The following ATXN7 variants were observed in gnomAD, a reference collection of about 807,000 sequenced individuals.
The protein encoded by ATXN7 is ataxin 7.
A neutral mutation model predicts 70.5 loss-of-function variants in ATXN7; 12 were observed. The ratio of observed to expected loss-of-function variants is 0.17; its 90% CI spans 0.11 to 0.28. ATXN7 has a LOEUF of 0.28. Among genes scored for constraint, ATXN7 ranks in the 10% least tolerant of loss-of-function variants. The pLI is 1.00. For missense variants in ATXN7, 1,256 were observed against 1,131.7 expected, an observed-to-expected ratio of 1.11 and a Z score of -1.58; for synonymous variants, 498 against 448.7, an observed-to-expected ratio of 1.11 and a Z score of -1.39.
intron 8 of ATXN7, 130 bp from the exon 9 acceptor site, chr3:63,987,929 A>C (rs182519316): frequency 2.2e-4 from 250 of 1,151,354 alleles, no homozygotes; most frequent in Middle Eastern, 1.7e-3. Context: ...TAGCTTATCA[A>C]ATGCTGAGTA....
intron 4 of ATXN7, among the ~76,000 whole-genome samples, chr3:63,920,186 A>G (rs1446356173): frequency 1.3e-5 from 2 of 152,130 alleles, no homozygotes; most frequent in African/African-American, 2.4e-5. Flanking sequence ...ATGTTTCGCA[A>G]TTCATGGAGA....
chr3:63,899,912 C>A (rs140194514), intron 2 of ATXN7, among the ~76,000 whole-genome samples: 1 of 151,986 alleles, frequency 6.6e-6, no homozygotes, highest in Non-Finnish European at 1.5e-5. Flanking sequence ...CCACTGCGCC[C>A]GGCCTAAAAA....
At chr3:63,965,982 T>C (rs1391170207) in intron 5 of ATXN7, among the ~76,000 whole-genome samples, 1 of 152,222 alleles carries the variant, frequency 6.6e-6, no homozygotes, top group African/African-American at 2.4e-5. Context: ...AATATAGACG[T>C]TTGTTTGTAG....
chr3:63,969,281 C>T (rs1448520830), intron 5 of ATXN7, among the ~76,000 whole-genome samples: 1 of 152,094 alleles, frequency 6.6e-6, no homozygotes, highest in Non-Finnish European at 1.5e-5. Flanking sequence ...TGCCCTCCCC[C>T]ACCCAGAATA....
At chr3:63,935,128 A>G (rs1393839971) in intron 4 of ATXN7, among the ~76,000 whole-genome samples, 1 of 152,202 alleles carries the variant, frequency 6.6e-6, no homozygotes, top group Non-Finnish European at 1.5e-5. Flanking sequence ...GAATGAATGA[A>G]TGAATGAATG....
intron 12 of ATXN7, chr3:63,997,537 A>T: frequency 8.6e-7 from 1 of 1,168,506 alleles, no homozygotes. Context: ...TCTGCCTGTT[A>T]CTGACCTCAC....
At chr3:63,984,560 G>C (rs951643235) in intron 8 of ATXN7, among the ~76,000 whole-genome samples, 7 of 152,172 alleles carry the variant, frequency 4.6e-5, no homozygotes, top group Non-Finnish European at 1.0e-4. Context: ...CTGACTCTCA[G>C]TAACATGGAT....
intron 5 of ATXN7, among the ~76,000 whole-genome samples, chr3:63,953,590 A>G (rs759463081): frequency 6.6e-6 from 1 of 151,936 alleles, no homozygotes; most frequent in Non-Finnish European, 1.5e-5. Context: ...GAGGCAAGAG[A>G]TGACACCGGA....
intron 4 of ATXN7, among the ~76,000 whole-genome samples, chr3:63,914,270 C>T (rs570516158): frequency 6.6e-6 from 1 of 152,180 alleles, no homozygotes; most frequent in African/African-American, 2.4e-5. Flanking sequence ...GCTTTTCACA[C>T]CTGCTTTTTC....
intron 4 of ATXN7, among the ~76,000 whole-genome samples, chr3:63,938,120 A>G (rs926835638): frequency 1.3e-5 from 2 of 152,184 alleles, no homozygotes; most frequent in African/African-American, 4.8e-5. Flanking sequence ...GCTGCCAACC[A>G]CATTTGTTTG....
In ATXN7 at chr3:63,990,324, G is replaced by C; in HGVS notation, c.1510G>C (p.Val504Leu). The change falls in exon 10 of 13, where the codon GTT becomes CTT. Residue 504 changes from valine to leucine, a missense_variant. By Grantham distance (32) the Val-to-Leu change is conservative. Transcript: ENST00000674280. ...CGAAGGCGATGACAAAGAAGAGTCT[G>C]TTGAAAAACTGGACTGTCATTATTC... is the stretch of plus-strand genomic sequence containing the variant. ...EGEGDDKEES[V>L]EKLDCHYSGH... 1.2e-6 allele frequency: 2 copies of C among 1,614,158 alleles called. No individual in the cohort carries two copies. The highest frequency in any genetic ancestry group is 1.7e-6 in the Non-Finnish European group (2 of 1,180,044).
intron 8 of ATXN7, among the ~76,000 whole-genome samples, chr3:63,985,490 T>C (rs2075561524): frequency 6.6e-6 from 1 of 152,236 alleles, no homozygotes; most frequent in South Asian, 2.1e-4. Flanking sequence ...CTTTTCCTTT[T>C]CCTTGCCTTC....
intron 4 of ATXN7, among the ~76,000 whole-genome samples, chr3:63,915,832 C>T (rs770530841): frequency 2.6e-5 from 4 of 152,018 alleles, no homozygotes; most frequent in African/African-American, 9.7e-5. Flanking sequence ...CAGGCACGCA[C>T]CACCACACCT....
Position 63,973,060 on chromosome 3 carries a change from G to C in ATXN7, c.500-6855G>C, listed in dbSNP as rs980870981. ...TGATCGTTTAATCCACAGCAGCCCT[G>C]CAAAGTAGGCTTGGCAACTGAAGAC... On this transcript the variant is annotated intron_variant, in intron 5 of 12. Transcript: ENST00000674280. Among the ~76,000 whole-genome samples, 5 of 152,240 alleles carry C rather than the reference G, an allele frequency of 3.3e-5. No individual in the cohort carries two copies. In the Middle Eastern group the frequency reaches 0.01, roughly 311 times the overall value.
At chr3:63,886,632 ACT>A (rs936526354) in intron 1 of ATXN7, among the ~76,000 whole-genome samples, 5 of 152,096 alleles carry the variant, frequency 3.3e-5, no homozygotes, top group African/African-American at 7.2e-5. Flanking sequence ...GTTTACAGGA[ACT>A]CTCTGTATAA....
intron 1 of ATXN7, among the ~76,000 whole-genome samples, chr3:63,870,602 C>T (rs1702564282): frequency 2.0e-5 from 3 of 152,184 alleles, no homozygotes; most frequent in Admixed American, 2.0e-4. Flanking sequence ...TAAGTGTTCT[C>T]ACCTTGCCCA....
At chr3:63,946,591 C>G (rs945415966) in intron 4 of ATXN7, among the ~76,000 whole-genome samples, 1 of 147,568 alleles carries the variant, frequency 6.8e-6, no homozygotes, top group Non-Finnish European at 1.5e-5. Flanking sequence ...TGCAGTGAGG[C>G]GAGATTGTGC....
chr3:63,985,303 G>T (rs150241385), intron 8 of ATXN7, among the ~76,000 whole-genome samples: 3 of 151,850 alleles, frequency 2.0e-5, no homozygotes, highest in Admixed American at 6.6e-5. Flanking sequence ...TCCCCTTGTC[G>T]TCCTTCTTTA....
chr3:63,863,705 C>G, upstream of ATXN7: 1 of 1,245,702 alleles, frequency 8.0e-7, no homozygotes, highest in Non-Finnish European at 1.0e-6. Context: ...GGCCGGGAGG[C>G]CAGGGGTCTC....
Sources: gnomAD v4.1 joint callset for allele counts (sites outside exome capture counted in the v4.1 genomes callset) on GRCh38, gnomAD v4.1.1 for gene constraint, MANE v1.5 for transcripts, NCBI Gene and HGNC (gene_info 2026-07-23, HGNC 2026-07-21) for gene names.